The following SLC17A1 variants were observed in gnomAD, a reference collection of about 807,000 sequenced individuals.
SLC17A1 encodes solute carrier family 17 member 1.
SLC17A1 carries 51 observed loss-of-function variants against 53.5 expected under a neutral mutation model. The observed-to-expected ratio is 0.95, with a 90% CI of 0.76 to 1.20. The LOEUF (loss-of-function observed/expected upper bound fraction) is 1.20. SLC17A1 is among the 50% of genes most tolerant of loss of function. SLC17A1 has a pLI of 0.00. For missense variants in SLC17A1, 538 were observed against 568.2 expected (o/e 0.95, Z 0.54); for synonymous variants, 179 against 198.8 (o/e 0.90, Z 0.84).
chr6:25,802,675 G>T (rs895232027), intron 10 of SLC17A1, among the ~76,000 whole-genome samples: 2 of 151,932 alleles, frequency 1.3e-5, no homozygotes, highest in Admixed American at 6.6e-5. Flanking sequence ...GCATTTTAGA[G>T]ATATCAATTG....
In SLC17A1 at chr6:25,830,625, G is replaced by A. The variant is rs368404249; in HGVS notation, c.-50-18C>T. 266 of 1,575,442 alleles carry A rather than the reference G, an allele frequency of 1.7e-4. 1 individual carries two copies. The highest frequency in any genetic ancestry group is 1.6e-3 in the South Asian group (140 of 90,162). ...TCCACCCACTGTGAGTGCAAAACAC[G>A]TTGATGTCAGCATAATGTAGAGAGG... is the stretch of plus-strand genomic sequence containing the variant. On this transcript the variant is annotated intron_variant, in intron 1 of 12. Coordinates refer to ENST00000244527, the MANE Select transcript of SLC17A1 (RefSeq NM_005074.5).
intron 12 of SLC17A1, among the ~76,000 whole-genome samples, chr6:25,784,130 A>AAAT (rs1450260742): frequency 5.3e-5 from 8 of 152,290 alleles, no homozygotes; most frequent in Non-Finnish European, 1.0e-4. Context: ...GCGTCCATAC[A>AAAT]AATAGACATT....
Position 25,819,804 on chromosome 6 carries a change from T to C in SLC17A1, c.319A>G (p.Thr107Ala). The change falls in exon 4 of 13, where the codon ACA (threonine) becomes GCA (alanine). Residue 107 changes from threonine (T) to alanine (A), a missense_variant. Physicochemically the swap from Thr to Ala is moderately conservative, Grantham distance 58 (BLOSUM62 0). Transcript: ENST00000244527. ...AATGCAAAGCCAATCATTTTCTTTG[T>C]AGAATATATTCCAGAGAAGTATCCA... is the stretch of plus-strand genomic sequence containing the variant. Reference protein sequence around the residue: ...PVGYFSGIYSTKKMIGFALCL... With the variant: ...PVGYFSGIYSAKKMIGFALCL... 1 of 1,614,162 alleles carries C rather than the reference T, an allele frequency of 6.2e-7. No homozygotes were observed. The highest frequency in any genetic ancestry group is 8.5e-7 in the Non-Finnish European group (1 of 1,179,976).
intron 10 of SLC17A1, among the ~76,000 whole-genome samples, chr6:25,808,383 C>A (rs1228586152): frequency 6.6e-6 from 1 of 151,850 alleles, no homozygotes; most frequent in Non-Finnish European, 1.5e-5. Context: ...AAAAAAACCA[C>A]CTATTGGGTA....
chr6:25,776,650 G>C, the SLC17A1 span: 3 of 1,613,768 alleles, frequency 1.9e-6, no homozygotes, highest in Non-Finnish European at 2.5e-6. Context: ...ATTATCCTTG[G>C]AGGTCTACTG....
the SLC17A1 span, chr6:25,726,217 G>T: frequency 6.2e-7 from 1 of 1,611,982 alleles, no homozygotes; most frequent in Non-Finnish European, 8.5e-7. Context: ...TCCGCCCTGG[G>T]CAATGGTCAC....
chr6:25,727,010 C>T, the SLC17A1 span: 31 of 1,614,004 alleles, frequency 1.9e-5, no homozygotes, highest in African/African-American at 2.0e-4. Flanking sequence ...GCAAGAGGAC[C>T]CGTAAGGAGA....
chr6:25,749,694 C>T, the SLC17A1 span, among the ~76,000 whole-genome samples: 3 of 151,716 alleles, frequency 2.0e-5, no homozygotes, highest in Non-Finnish European at 2.9e-5. Flanking sequence ...TTTTTCTACT[C>T]GACCCCATGG....
chr6:25,773,392 A>G, the SLC17A1 span: 1 of 1,613,444 alleles, frequency 6.2e-7, no homozygotes, highest in East Asian at 2.2e-5. Flanking sequence ...TTGGCTCAGC[A>G]GGTACATTGA....
At chr6:25,801,313 T>C (rs1314871824) in intron 10 of SLC17A1, among the ~76,000 whole-genome samples, 1 of 152,114 alleles carries the variant, frequency 6.6e-6, no homozygotes, top group Non-Finnish European at 1.5e-5. Context: ...TGGTTTGGGG[T>C]TAATAAAAAA....
chr6:25,735,069 A>G, the SLC17A1 span, among the ~76,000 whole-genome samples: 1 of 152,218 alleles, frequency 6.6e-6, no homozygotes, highest in East Asian at 1.9e-4. Context: ...TGTTCAATGT[A>G]GTAATTGCAG....
At position 25,819,811 on chromosome 6, in the gene SLC17A1, T is replaced by C; in HGVS notation, c.312A>G (p.Ile104Met). The C allele has an allele frequency of 6.2e-7, 1 of 1,614,130 alleles. No individual in the cohort carries two copies. Among genetic ancestry groups the C allele is most frequent in the South Asian group, 1.1e-5 (1 of 91,088 alleles). The change falls in exon 4 of 13, where the codon ATA becomes ATG. Residue 104 changes from isoleucine to methionine, a missense_variant. Transcript: ENST00000244527. ...AGCCAATCATTTTCTTTGTAGAATA[T>C]ATTCCAGAGAAGTATCCAACAGGAA... Reference protein sequence around the residue: ...IQVPVGYFSGIYSTKKMIGFA... With the variant: ...IQVPVGYFSGMYSTKKMIGFA...
the SLC17A1 span, chr6:25,770,913 C>T: frequency 6.2e-7 from 1 of 1,609,928 alleles, no homozygotes; most frequent in Non-Finnish European, 8.5e-7. Flanking sequence ...ACATCCTCGC[C>T]TCTTCTGTTC....
At chr6:25,795,190 C>T (rs115228991) in intron 12 of SLC17A1, among the ~76,000 whole-genome samples, 1,683 of 152,188 alleles carry the variant, frequency 0.011, 26 homozygotes, top group African/African-American at 0.036. Context: ...CCACTGCCAG[C>T]CTGATGGAAA....
chr6:25,785,697 C>T (rs6909187), intron 12 of SLC17A1, among the ~76,000 whole-genome samples: 61,476 of 151,474 alleles, frequency 0.41, 12,734 homozygotes, highest in South Asian at 0.46. Flanking sequence ...TGTAAAAAAA[C>T]AGAAGAATAG....
intron 12 of SLC17A1, among the ~76,000 whole-genome samples, chr6:25,794,990 A>C (rs1385647234): frequency 6.6e-6 from 1 of 152,186 alleles, no homozygotes; most frequent in South Asian, 2.1e-4. Flanking sequence ...TGATTCCACA[A>C]ATAAAATGCC....
the SLC17A1 span, among the ~76,000 whole-genome samples, chr6:25,754,043 C>T: frequency 0.24 from 36,143 of 151,982 alleles, 4,893 homozygotes; most frequent in Non-Finnish European, 0.31. Context: ...CAAGAAGGAA[C>T]GAGTGGTGGA....
At chr6:25,730,438 G>A in the SLC17A1 span, among the ~76,000 whole-genome samples, 1 of 152,124 alleles carries the variant, frequency 6.6e-6, no homozygotes, top group Non-Finnish European at 1.5e-5. Flanking sequence ...CTCATAAGTG[G>A]AATTAAAAAA....
Position 25,813,142 on chromosome 6 carries a change from T to C in SLC17A1, c.688A>G (p.Ile230Val), listed in dbSNP as rs1346813358. 2.5e-6 allele frequency: 4 copies of C among 1,614,058 alleles called. No homozygotes were observed. Among genetic ancestry groups the C allele is most frequent in the Admixed American group, 1.7e-5 (1 of 60,002 alleles). ...FYDDPKDHPCISISEKEYITS... is the reference protein window; with the variant it reads ...FYDDPKDHPCVSISEKEYITS... Reference sequence around the variant, plus strand: ...ATGTATTCCTTTTCACTGATGCTTATACATGGGTGGTCTTTGGGGTCATCA... The same window carrying C: ...ATGTATTCCTTTTCACTGATGCTTACACATGGGTGGTCTTTGGGGTCATCA... Residue 230 changes from isoleucine to valine, a missense_variant, in exon 7 of 13, where the codon ATA (isoleucine) becomes GTA (valine). Physicochemically the swap from Ile to Val is conservative, Grantham distance 29. Transcript: ENST00000244527.
Sources: allele counts gnomAD v4.1 joint callset (sites outside exome capture counted in the v4.1 genomes callset), GRCh38; gene constraint gnomAD v4.1.1; transcripts MANE v1.5; gene names NCBI Gene and HGNC (gene_info 2026-07-23, HGNC 2026-07-21).